GRHL2: variants seen among roughly 807,000 people sequenced by gnomAD.
GRHL2 encodes the protein grainyhead-like protein 2 homolog.
A neutral mutation model predicts 83.8 loss-of-function variants in GRHL2; 21 were observed. The ratio of observed to expected loss-of-function variants is 0.25; its 90% CI spans 0.18 to 0.36. GRHL2 has a LOEUF of 0.36. Among genes scored for constraint, GRHL2 ranks in the 10% least tolerant of loss-of-function variants. The probability of loss-of-function intolerance (pLI) is 1.00; values close to 1 mark genes in which losing one functional copy is unlikely to be tolerated. For synonymous variants in GRHL2, 280 were observed against 278.9 expected, an observed-to-expected ratio of 1.00 and a Z score of -0.04; for missense variants, 623 against 781.8, an observed-to-expected ratio of 0.80 and a Z score of 2.42.
At chr8:101,660,534 G>A (rs1344673807) in intron 14 of GRHL2, among the ~76,000 whole-genome samples, 1 of 152,066 alleles carries the variant, frequency 6.6e-6, no homozygotes, top group East Asian at 1.9e-4. Flanking sequence ...CTGGAAGAAT[G>A]AAGTTTATTC....
At chr8:101,652,992 A>G (rs1199652840) in intron 14 of GRHL2, among the ~76,000 whole-genome samples, 2 of 152,176 alleles carry the variant, frequency 1.3e-5, no homozygotes, top group African/African-American at 2.4e-5. Context: ...GTAATATCCT[A>G]TGAATTTGAA....
chr8:101,648,692 GC>G (rs1333283163), intron 13 of GRHL2, among the ~76,000 whole-genome samples: 3 of 152,100 alleles, frequency 2.0e-5, no homozygotes, highest in Admixed American at 6.5e-5. Context: ...CTCGGACAGT[GC>G]CCCGTCTCCC....
At chr8:101,624,326 C>T (rs924279540) in intron 9 of GRHL2, among the ~76,000 whole-genome samples, 1 of 148,616 alleles carries the variant, frequency 6.7e-6, no homozygotes, top group African/African-American at 2.5e-5. Flanking sequence ...GTTTCCATGA[C>T]ACTGGTAGGA....
At chr8:101,550,349 T>C (rs1364684704) in intron 2 of GRHL2, among the ~76,000 whole-genome samples, 1 of 152,140 alleles carries the variant, frequency 6.6e-6, no homozygotes, top group African/African-American at 2.4e-5. Flanking sequence ...GCCCTTGCCC[T>C]GCATCCCTGC....
chr8:101,539,088 G>A (rs1811100762), intron 1 of GRHL2, among the ~76,000 whole-genome samples: 1 of 152,140 alleles, frequency 6.6e-6, no homozygotes, highest in South Asian at 2.1e-4. Flanking sequence ...ATTTCAAGAA[G>A]GAAGATTTAG....
Position 101,669,556 on chromosome 8 carries a change from G to C in GRHL2, c.*2853G>C, listed in dbSNP as rs1460938942. On this transcript the variant is annotated 3_prime_UTR_variant, in exon 16 of 16. Transcript: ENST00000646743. The stretch of plus-strand genomic sequence containing the variant: ...CGGCCCTTTCTTAAAGACAAGCAAG[G>C]GAGATTGATATATGTACAATTTGCT... 1 of 151,970 alleles carries C rather than the reference G, an allele frequency of 6.6e-6. No homozygotes were observed. The highest frequency in any genetic ancestry group is 2.4e-5 in the African/African-American group (1 of 41,230). 9.4% of individuals were successfully genotyped at this position (151,970 alleles called of 1,614,324 possible).
At chr8:101,655,152 A>C (rs1270894557) in intron 14 of GRHL2, among the ~76,000 whole-genome samples, 1 of 151,052 alleles carries the variant, frequency 6.6e-6, no homozygotes, top group Non-Finnish European at 1.5e-5. Context: ...ATTGCACTCC[A>C]GCCTGGGCAA....
intron 1 of GRHL2, among the ~76,000 whole-genome samples, chr8:101,532,007 T>C: frequency 6.6e-6 from 1 of 152,262 alleles, no homozygotes; most frequent in East Asian, 1.9e-4. Flanking sequence ...TTGAATCTTC[T>C]CTTTCCCGAG....
At chr8:101,539,225 C>G (rs1294122816) in intron 1 of GRHL2, among the ~76,000 whole-genome samples, 1 of 152,174 alleles carries the variant, frequency 6.6e-6, no homozygotes, top group African/African-American at 2.4e-5. Context: ...CACCTCACCC[C>G]ACCTGCACTC....
chr8:101,631,593 G>A, intron 9 of GRHL2, 44 bp from the exon 10 acceptor site: 7 of 1,488,576 alleles, frequency 4.7e-6, no homozygotes, highest in Non-Finnish European at 6.5e-6. Flanking sequence ...TGCATGCTCT[G>A]CTAATATGCC....
At chr8:101,594,362 A>G (rs923917938) in intron 7 of GRHL2, among the ~76,000 whole-genome samples, 4 of 152,204 alleles carry the variant, frequency 2.6e-5, no homozygotes, top group African/African-American at 7.2e-5. Context: ...CAACATTTAC[A>G]ACATTCGGGT....
At chr8:101,658,105 A>G (rs868488304) in intron 14 of GRHL2, among the ~76,000 whole-genome samples, 1 of 152,204 alleles carries the variant, frequency 6.6e-6, no homozygotes, top group Non-Finnish European at 1.5e-5. Context: ...CCTGACGTGC[A>G]TGCAGGCAGG....
chr8:101,624,114 C>T (rs1048129604), intron 9 of GRHL2, among the ~76,000 whole-genome samples: 3 of 144,252 alleles, frequency 2.1e-5, no homozygotes, highest in Non-Finnish European at 4.5e-5. Context: ...TTACAGTACA[C>T]AGTAGGACAG....
chr8:101,603,291 A>T (rs900561567), intron 8 of GRHL2, among the ~76,000 whole-genome samples: 1 of 152,220 alleles, frequency 6.6e-6, no homozygotes, highest in African/African-American at 2.4e-5. Flanking sequence ...GATTATGTTA[A>T]AGGATAGCTT....
At chr8:101,552,334 T>C (rs980578605) in intron 2 of GRHL2, among the ~76,000 whole-genome samples, 7 of 152,142 alleles carry the variant, frequency 4.6e-5, no homozygotes, top group Non-Finnish European at 1.0e-4. Context: ...ACACTTGTTG[T>C]AACTCTATTA....
chr8:101,663,171 C>T lies in GRHL2; in HGVS notation c.1699-1283C>T. ...GAATATGTGGGTCAAAGGATATATG[C>T]ATTAAAAATTTTAATAGCTTCTGCC... On this transcript the variant is annotated intron_variant, in intron 14 of 15. Transcript: ENST00000646743. Among the ~76,000 whole-genome samples, 2 of 152,068 alleles carry T rather than the reference C, an allele frequency of 1.3e-5. 1 individual carries two copies. Among genetic ancestry groups the T allele is most frequent in the Non-Finnish European group, 2.9e-5 (2 of 68,026 alleles).
At chr8:101,504,673 A>AT (rs1053810327) in intron 1 of GRHL2, among the ~76,000 whole-genome samples, 17 of 151,504 alleles carry the variant, frequency 1.1e-4, no homozygotes, top group African/African-American at 2.9e-4. Flanking sequence ...AAAAATTTAT[A>AT]TTTTTTTTAG....
intron 1 of GRHL2, among the ~76,000 whole-genome samples, chr8:101,536,627 C>T (rs1811050472): frequency 6.6e-6 from 1 of 152,184 alleles, no homozygotes; most frequent in Admixed American, 6.5e-5. Context: ...AGTCTGGCTT[C>T]AGAGTCTGAA....
chr8:101,571,346 A>T (rs758379095), intron 5 of GRHL2, among the ~76,000 whole-genome samples: 3 of 152,130 alleles, frequency 2.0e-5, no homozygotes, highest in Non-Finnish European at 2.9e-5. Flanking sequence ...CTTGGTTATG[A>T]TCATGTCTGA....
Sources: gnomAD v4.1 joint callset for allele counts (sites outside exome capture counted in the v4.1 genomes callset) on GRCh38, gnomAD v4.1.1 for gene constraint, MANE v1.5 for transcripts, NCBI Gene and HGNC (gene_info 2026-07-23, HGNC 2026-07-21) for gene names.